Variants in GSK3B observed in about 807,000 individuals in gnomAD.
GSK3B encodes the protein glycogen synthase kinase-3 beta.
GSK3B carries 15 observed loss-of-function variants against 56.4 expected under a neutral mutation model. The ratio of observed to expected loss-of-function variants is 0.27; its 90% CI spans 0.18 to 0.41. The LOEUF (loss-of-function observed/expected upper bound fraction) is 0.41, where lower values mean the gene tolerates loss of function less well. GSK3B is among the 10% of genes least tolerant of loss of function. GSK3B has a pLI of 1.00. For synonymous variants in GSK3B, 181 were observed against 188.9 expected (o/e 0.96, Z 0.34); for missense variants, 300 against 513.4 (o/e 0.58, Z 4.02).
chr3:119,984,520 T>G (rs1007919361), intron 2 of GSK3B, among the ~76,000 whole-genome samples: 1 of 151,726 alleles, frequency 6.6e-6, no homozygotes, highest in Admixed American at 6.6e-5. Flanking sequence ...CAATAAAAAA[T>G]GATAAAGGGG....
chr3:119,844,351 G>A (rs1217029783), intron 9 of GSK3B, among the ~76,000 whole-genome samples: 1 of 123,520 alleles, frequency 8.1e-6, no homozygotes, highest in African/African-American at 2.7e-5. Context: ...AGGAGACAGA[G>A]ACACAAAAAA....
intron 9 of GSK3B, among the ~76,000 whole-genome samples, chr3:119,850,048 T>C (rs535855795): frequency 3.5e-4 from 39 of 111,988 alleles, no homozygotes; most frequent in African/African-American, 9.7e-4. Flanking sequence ...TGTAAATCTA[T>C]AGATGTATGT....
chr3:119,912,852 A>AGGTTTAG, intron 5 of GSK3B, 42 bp from the exon 6 acceptor site: 1 of 988,908 alleles, frequency 1.0e-6, no homozygotes, highest in Non-Finnish European at 1.6e-6. Context: ...AAATTCTTTA[A>AGGTTTAG]ATCTAAACCT....
intron 8 of GSK3B, among the ~76,000 whole-genome samples, chr3:119,871,350 G>A (rs2056248117): frequency 6.6e-6 from 1 of 152,090 alleles, no homozygotes; most frequent in Non-Finnish European, 1.5e-5. Context: ...ATGCTTTCTG[G>A]GAGACTTACC....
intron 3 of GSK3B, among the ~76,000 whole-genome samples, chr3:119,944,899 T>C (rs547803940): frequency 1.3e-5 from 2 of 152,324 alleles, no homozygotes; most frequent in East Asian, 3.9e-4. Context: ...TTTGCAAGAA[T>C]TTCACAGACA....
At chr3:119,890,730 C>A in intron 7 of GSK3B, among the ~76,000 whole-genome samples, 2 of 136,572 alleles carry the variant, frequency 1.5e-5, no homozygotes, top group South Asian at 2.4e-4. Context: ...TTTCTATTAA[C>A]TTGATTTAAA....
At chr3:119,895,586 A>C (rs2056553927) in intron 7 of GSK3B, among the ~76,000 whole-genome samples, 1 of 152,180 alleles carries the variant, frequency 6.6e-6, no homozygotes, top group Non-Finnish European at 1.5e-5. Context: ...TAATTTTTGT[A>C]TATGGTGTGA....
intron 9 of GSK3B, among the ~76,000 whole-genome samples, chr3:119,854,766 C>T (rs963356069): frequency 1.3e-4 from 20 of 151,864 alleles, no homozygotes; most frequent in African/African-American, 3.6e-4. Context: ...GGTGGTGATA[C>T]CCCCTTTATC....
chr3:119,882,155 G>GTTT (rs67933002), intron 7 of GSK3B, among the ~76,000 whole-genome samples: 1 of 144,418 alleles, frequency 6.9e-6, no homozygotes. Flanking sequence ...TACAATTCTT[G>GTTT]TTTTTTTTTT....
chr3:119,831,379 C>T (rs577454777), intron 10 of GSK3B, among the ~76,000 whole-genome samples: 6 of 152,132 alleles, frequency 3.9e-5, no homozygotes, highest in Admixed American at 1.3e-4. Context: ...AAGAGTGGGC[C>T]GGGCGCGGTG....
intron 3 of GSK3B, among the ~76,000 whole-genome samples, chr3:119,933,653 G>C (rs1049450127): frequency 1.3e-5 from 2 of 152,046 alleles, no homozygotes; most frequent in Non-Finnish European, 2.9e-5. Context: ...GAGGTGGGTG[G>C]ATCACCTGAG....
intron 1 of GSK3B, among the ~76,000 whole-genome samples, chr3:120,007,951 C>G (rs143568341): frequency 4.2e-4 from 64 of 152,240 alleles, no homozygotes; most frequent in South Asian, 2.5e-3. Context: ...AAAGCATATT[C>G]AAATAGGAGG....
chr3:119,881,480 T>A (rs77228481), intron 7 of GSK3B, among the ~76,000 whole-genome samples: 4,162 of 152,254 alleles, frequency 0.027, 181 homozygotes, highest in African/African-American at 0.092. Context: ...CTTTTTCATT[T>A]TGATATATTT....
chr3:119,893,062 C>T (rs941219801), intron 7 of GSK3B, among the ~76,000 whole-genome samples: 2 of 152,014 alleles, frequency 1.3e-5, no homozygotes, highest in Admixed American at 6.6e-5. Context: ...GGTTGGTGTG[C>T]GGTGGTGCAA....
intron 1 of GSK3B, among the ~76,000 whole-genome samples, chr3:120,036,792 CA>C (rs560163237): frequency 8.7e-4 from 56 of 64,326 alleles, no homozygotes; most frequent in South Asian, 5.0e-3. Flanking sequence ...GACTCCGACT[CA>C]AAAAAAAAAA....
At chr3:119,831,247 A>G (rs2055592456) in intron 10 of GSK3B, among the ~76,000 whole-genome samples, 1 of 152,206 alleles carries the variant, frequency 6.6e-6, no homozygotes, top group Non-Finnish European at 1.5e-5. Flanking sequence ...AGCAGAAAAG[A>G]TTTCCTAGCA....
intron 1 of GSK3B, among the ~76,000 whole-genome samples, chr3:120,060,836 A>G (rs35945043): frequency 0.018 from 2,735 of 152,312 alleles, 43 homozygotes; most frequent in Non-Finnish European, 0.027. Context: ...TTCAACTGGG[A>G]AAAAGAAAAT....
At chr3:119,861,072 C>T (rs542124366) in intron 9 of GSK3B, among the ~76,000 whole-genome samples, 1 of 152,318 alleles carries the variant, frequency 6.6e-6, no homozygotes, top group South Asian at 2.1e-4. Flanking sequence ...TTCTGGTCAT[C>T]CATTAACTAA....
intron 7 of GSK3B, among the ~76,000 whole-genome samples, chr3:119,884,390 T>TGA (rs888754407): frequency 3.9e-5 from 6 of 151,952 alleles, no homozygotes; most frequent in Admixed American, 1.3e-4. Flanking sequence ...GTACTGCCAG[T>TGA]GAGAGAGAGA....
Sources: gnomAD v4.1 joint callset for allele counts (sites outside exome capture counted in the v4.1 genomes callset) on GRCh38, gnomAD v4.1.1 for gene constraint, MANE v1.5 for transcripts, NCBI Gene and HGNC (gene_info 2026-07-23, HGNC 2026-07-21) for gene names.